The following LATS1 variants were observed in gnomAD, a reference collection of about 807,000 sequenced individuals.
LATS1 encodes the protein large tumor suppressor kinase 1.
In LATS1, 25 loss-of-function variants were observed where a neutral mutation model predicts 106.6. The observed-to-expected ratio is 0.23, with a 90% CI of 0.17 to 0.33. LATS1 has a LOEUF of 0.33. Among genes scored for constraint, LATS1 ranks in the 10% least tolerant of loss-of-function variants. LATS1 has a pLI of 1.00. For synonymous variants in LATS1, 465 were observed against 455.6 expected (o/e 1.02, Z -0.26); for missense variants, 1,040 against 1,382.6 (o/e 0.75, Z 3.93).
chr6:149,697,042 T>C, intron 2 of LATS1: 9 of 726,784 alleles, frequency 1.2e-5, no homozygotes, highest in Non-Finnish European at 1.9e-5. Context: ...CTCACTATCA[T>C]GCAGAAAGTA....
chr6:149,680,248 A>C lies in LATS1; in HGVS notation c.2220T>G (p.Asp740Glu). The change falls in exon 5 of 8, where the codon GAT (aspartate) becomes GAG (glutamate). Residue 740 changes from aspartate to glutamate, a missense_variant. Physicochemically the swap from Asp to Glu is conservative, Grantham distance 45. This residue lies in a region of LATS1 where 167 missense variants were observed against 332.1 expected (regional missense o/e 0.50). Coordinates refer to ENST00000543571, the MANE Select transcript of LATS1 (RefSeq NM_004690.4). ...LYATKTLRKK[D>E]VLLRNQVAHV... ...GAGCGACTTGATTTCGAAGAAGAAC[A>C]TCTTTCTTTCGAAGAGTTTTTGTTG... is the stretch of plus-strand genomic sequence containing the variant. 1 of 1,614,066 alleles carries C rather than the reference A, an allele frequency of 6.2e-7. No individual in the cohort carries two copies. Among genetic ancestry groups the C allele is most frequent in the Non-Finnish European group, 8.5e-7 (1 of 1,179,988 alleles).
chr6:149,713,928 G>A (rs909365162), intron 1 of LATS1, among the ~76,000 whole-genome samples: 2 of 151,880 alleles, frequency 1.3e-5, no homozygotes, highest in Admixed American at 6.6e-5. Flanking sequence ...CCGAAGTGCT[G>A]GGATTATATA....
chr6:149,702,964 T>G (rs10872643), intron 1 of LATS1, among the ~76,000 whole-genome samples: 1 of 150,908 alleles, frequency 6.6e-6, no homozygotes, highest in Non-Finnish European at 1.5e-5. Flanking sequence ...TGAGCCACCG[T>G]GCCCAGCCTT....
chr6:149,668,931 G>C (rs1781303931), intron 7 of LATS1, among the ~76,000 whole-genome samples: 1 of 151,598 alleles, frequency 6.6e-6, no homozygotes, highest in African/African-American at 2.4e-5. Context: ...TGGTGCCCCC[G>C]CCCCAAGTAG....
Position 149,695,006 on chromosome 6 carries a change from T to C in LATS1, c.496+68A>G, listed in dbSNP as rs550991878. The C allele has an allele frequency of 5.3e-5, 67 of 1,270,944 alleles. No homozygotes were observed. The South Asian group carries it at 1.0e-3, about 19-fold the overall frequency. 78.7% of individuals were successfully genotyped at this position (1,270,944 alleles called of 1,614,324 possible). On this transcript the variant is annotated intron_variant, in intron 3 of 7. Transcript: ENST00000543571. ...ACAATTTCTAAGAAGGAAGATTTGA[T>C]AGACTTCAGTATTTTTAAACTACAC...
chr6:149,684,651 G>T, intron 3 of LATS1, 59 bp from the exon 4 acceptor site: 2 of 1,258,082 alleles, frequency 1.6e-6, no homozygotes, highest in Middle Eastern at 2.0e-4. Context: ...TCTAATTTTT[G>T]AAAACCTTAG....
chr6:149,662,356 T>C (rs1582832153), intron 7 of LATS1, 118 bp from the exon 8 acceptor site: 2 of 913,482 alleles, frequency 2.2e-6, no homozygotes, highest in African/African-American at 1.7e-5. Flanking sequence ...AATTACATGA[T>C]ATTTTGCTGG....
intron 1 of LATS1, among the ~76,000 whole-genome samples, chr6:149,708,394 G>A (rs946762462): frequency 1.6e-4 from 23 of 142,868 alleles, no homozygotes; most frequent in African/African-American, 5.8e-4. Context: ...CAGCCTGGGC[G>A]ACAGAGCGAG....
At chr6:149,706,075 C>T (rs766268944) in intron 1 of LATS1, among the ~76,000 whole-genome samples, 5 of 150,906 alleles carry the variant, frequency 3.3e-5, no homozygotes, top group East Asian at 2.0e-4. Context: ...CTCAGCTACT[C>T]GGGAGGCTAA....
At chr6:149,705,658 C>T (rs1430516334) in intron 1 of LATS1, among the ~76,000 whole-genome samples, 1 of 151,834 alleles carries the variant, frequency 6.6e-6, no homozygotes. Flanking sequence ...TATTTGCTTC[C>T]ATTTCCCTAT....
intron 7 of LATS1, among the ~76,000 whole-genome samples, chr6:149,674,625 C>T (rs1582856010): frequency 1.3e-5 from 2 of 150,354 alleles, no homozygotes; most frequent in South Asian, 2.2e-4. Context: ...CTGTCTGCCA[C>T]GACCTTGCAA....
Position 149,694,888 on chromosome 6 carries a change from C to T in LATS1, c.496+186G>A, listed in dbSNP as rs930539566. ...GCTGCTTACCAGAATTATCTATTAA[C>T]TTTTAAATGTGAGGACCCCATCCTT... is the stretch of plus-strand genomic sequence containing the variant. On this transcript the variant is annotated intron_variant, in intron 3 of 7. Transcript: ENST00000543571. Among the ~76,000 whole-genome samples, 14 of 152,260 alleles carry T rather than the reference C, an allele frequency of 9.2e-5. 1 individual carries two copies. The East Asian group carries it at 2.7e-3, about 29-fold the overall frequency.
chr6:149,670,273 CAA>C (rs1015258432), intron 7 of LATS1, among the ~76,000 whole-genome samples: 3 of 146,600 alleles, frequency 2.0e-5, no homozygotes, highest in African/African-American at 7.6e-5. Flanking sequence ...AAAAACCATA[CAA>C]AGAGATAATA....
At chr6:149,666,681 G>A (rs986486929) in intron 7 of LATS1, among the ~76,000 whole-genome samples, 7 of 151,592 alleles carry the variant, frequency 4.6e-5, no homozygotes, top group Non-Finnish European at 8.8e-5. Flanking sequence ...GGTGGCTCAC[G>A]CCTGTAATCC....
At chr6:149,713,299 CT>C (rs879912031) in intron 1 of LATS1, among the ~76,000 whole-genome samples, 253 of 144,802 alleles carry the variant, frequency 1.7e-3, no homozygotes, top group Middle Eastern at 0.011. Flanking sequence ...GTATTATTTT[CT>C]TTTTTTTTTT....
chr6:149,702,145 A>G lies in LATS1; in HGVS notation c.-19T>C, dbSNP rs1239835537. On this transcript the variant is annotated 5_prime_UTR_variant, in exon 2 of 8. Coordinates refer to ENST00000543571, the MANE Select transcript of LATS1 (RefSeq NM_004690.4). ...TCTTCATGAAAACATCTATATATGT[A>G]GCCCACACGAAGGACTTCTTTATTT... 1.3e-6 allele frequency: 2 copies of G among 1,500,878 alleles called. No individual in the cohort carries two copies. The highest frequency in any genetic ancestry group is 4.5e-5 in the East Asian group (2 of 44,186). The allele number at this position is 1,500,878 out of a possible 1,614,324, so 93.0% of individuals were successfully genotyped here. A position where few individuals can be genotyped will look rare whatever the true frequency, so the allele number is the denominator to read the frequency against.
chr6:149,709,289 G>C (rs572944275), intron 1 of LATS1, among the ~76,000 whole-genome samples: 1 of 152,140 alleles, frequency 6.6e-6, no homozygotes, highest in Non-Finnish European at 1.5e-5. Context: ...ACTCTCTGTA[G>C]CAATAAGATA....
chr6:149,688,915 C>A (rs779789064), intron 3 of LATS1, among the ~76,000 whole-genome samples: 12 of 151,700 alleles, frequency 7.9e-5, no homozygotes, highest in Non-Finnish European at 1.5e-4. Context: ...AGCCTGTAAT[C>A]CTAGCACTTT....
chr6:149,664,189 G>C (rs1373299393), intron 7 of LATS1, among the ~76,000 whole-genome samples: 1 of 147,392 alleles, frequency 6.8e-6, no homozygotes, highest in Non-Finnish European at 1.5e-5. Context: ...CACAGCAAAA[G>C]ATTCAGATAA....
Sources: gnomAD v4.1 joint callset for allele counts (sites outside exome capture counted in the v4.1 genomes callset) on GRCh38, gnomAD v4.1.1 for gene constraint, gnomAD v4.1.1 regional missense constraint, MANE v1.5 for transcripts, NCBI Gene and HGNC (gene_info 2026-07-23, HGNC 2026-07-21) for gene names.